Variants in BNC2 observed in about 807,000 individuals in gnomAD.
The protein encoded by BNC2 is basonuclin zinc finger protein 2.
In BNC2, 20 loss-of-function variants were observed where a neutral mutation model predicts 76.3. That is an observed-to-expected ratio of 0.26 (90% CI 0.18 to 0.38). The LOEUF (loss-of-function observed/expected upper bound fraction) is 0.38, where lower values mean the gene tolerates loss of function less well. Ranked by LOEUF, BNC2 falls within the 10% of genes least tolerant of loss-of-function variation. The pLI is 1.00. For missense variants in BNC2, 1,382 were observed against 1,399.8 expected (o/e 0.99, Z 0.20); for synonymous variants, 582 against 514.8 (o/e 1.13, Z -1.77).
intron 4 of BNC2, among the ~76,000 whole-genome samples, chr9:16,571,943 G>A (rs563139855): frequency 3.3e-5 from 5 of 151,972 alleles, no homozygotes; most frequent in African/African-American, 4.8e-5. Flanking sequence ...TGTGATGGTC[G>A]CTTTTGGCAT....
chr9:16,611,073 T>C (rs1820532382), intron 3 of BNC2, among the ~76,000 whole-genome samples: 1 of 151,892 alleles, frequency 6.6e-6, no homozygotes, highest in South Asian at 2.1e-4. Context: ...CAGATCCTTG[T>C]CAAAAAAAAA....
At chr9:16,759,803 C>A (rs922918835) in intron 1 of BNC2, among the ~76,000 whole-genome samples, 1 of 151,622 alleles carries the variant, frequency 6.6e-6, no homozygotes, top group South Asian at 2.1e-4. Context: ...GGCTCACTGC[C>A]TGCTCCGCCT....
chr9:16,729,543 A>C (rs1427226909), intron 2 of BNC2, among the ~76,000 whole-genome samples: 1 of 138,670 alleles, frequency 7.2e-6, no homozygotes, highest in Non-Finnish European at 1.5e-5. Flanking sequence ...CTTTTCTGTT[A>C]AACTTCCCTC....
intron 3 of BNC2, among the ~76,000 whole-genome samples, chr9:16,599,433 C>CT (rs1261266784): frequency 1.3e-5 from 2 of 152,222 alleles, no homozygotes; most frequent in Non-Finnish European, 2.9e-5. Flanking sequence ...CACACACACC[C>CT]TTCTAACACC....
intron 4 of BNC2, among the ~76,000 whole-genome samples, chr9:16,566,386 C>T (rs1819167869): frequency 6.6e-6 from 1 of 152,142 alleles, no homozygotes; most frequent in Admixed American, 6.5e-5. Flanking sequence ...TCATCCATGT[C>T]CCTTTCTCAA....
intron 1 of BNC2, among the ~76,000 whole-genome samples, chr9:16,828,843 G>C (rs1160805974): frequency 1.3e-5 from 2 of 152,218 alleles, no homozygotes; most frequent in African/African-American, 4.8e-5. Flanking sequence ...AATGTGTCTA[G>C]TGGCACTGGA....
In BNC2 at chr9:16,780,247, A is replaced by AAC. The variant is rs1554729468; in HGVS notation, c.4-41763_4-41762insGT. Among the ~76,000 whole-genome samples the AAC allele has an allele frequency of 6.9e-4, 93 of 135,006 alleles. 1 individual carries two copies. The highest frequency in any genetic ancestry group is 9.8e-4 in the Non-Finnish European group (65 of 66,100). The allele number at this position is 135,006 out of a possible 152,430, so 88.6% of individuals were successfully genotyped here. A position where few individuals can be genotyped will look rare whatever the true frequency, so the allele number is the denominator to read the frequency against. ...CAAGACTTCGTTTCAAAAAAAAAAA[A>AAC]AAAAAAAAACAAAAAAAAACTACTG... On this transcript the variant is annotated intron_variant, in intron 1 of 6. Coordinates refer to ENST00000380672, the MANE Select transcript of BNC2 (RefSeq NM_017637.6).
intron 1 of BNC2, among the ~76,000 whole-genome samples, chr9:16,824,739 G>A (rs748980528): frequency 6.6e-6 from 1 of 152,174 alleles, no homozygotes; most frequent in Non-Finnish European, 1.5e-5. Context: ...ATGAGCCACA[G>A]AGGGAACCTG....
chr9:16,460,547 C>T (rs1225162655), intron 5 of BNC2, among the ~76,000 whole-genome samples: 2 of 152,096 alleles, frequency 1.3e-5, no homozygotes, highest in East Asian at 1.9e-4. Flanking sequence ...CACTTGTACT[C>T]GGGAGGCAAA....
At chr9:16,759,358 G>T (rs1825486230) in intron 1 of BNC2, among the ~76,000 whole-genome samples, 2 of 152,126 alleles carry the variant, frequency 1.3e-5, no homozygotes, top group Admixed American at 1.3e-4. Flanking sequence ...ATATTAGAGA[G>T]GACTTTAATG....
At chr9:16,519,401 C>T (rs562246081) in intron 5 of BNC2, among the ~76,000 whole-genome samples, 2 of 152,296 alleles carry the variant, frequency 1.3e-5, no homozygotes, top group East Asian at 3.9e-4. Context: ...TCAAATCAAC[C>T]TTAGCAGATT....
Position 16,419,469 on chromosome 9 carries a change from C to G in BNC2, c.2820G>C (p.Gly940=). The G allele has an allele frequency of 6.2e-7, 1 of 1,613,908 alleles. No homozygotes were observed. Among genetic ancestry groups the G allele is most frequent in the Non-Finnish European group, 8.5e-7 (1 of 1,179,914 alleles). Residue 940 remains glycine (G), a synonymous_variant, in exon 7 of 7, where the codon GGG becomes GGC. Coordinates refer to ENST00000380672, the MANE Select transcript of BNC2 (RefSeq NM_017637.6). ...DVREDASSPA[G]TEDSHLNGYG... is the part of the protein sequence containing the mutation. ...ACCCGTTCAGGTGGGAGTCTTCAGT[C>G]CCTGCGGGAGAGGAGGCGTCTTCCC... is the stretch of plus-strand genomic sequence containing the variant.
At chr9:16,587,017 G>C (rs1010282394) in intron 3 of BNC2, among the ~76,000 whole-genome samples, 7 of 152,056 alleles carry the variant, frequency 4.6e-5, no homozygotes, top group African/African-American at 7.3e-5. Flanking sequence ...CTGTGCTACA[G>C]AGTTTACAAA....
intron 5 of BNC2, among the ~76,000 whole-genome samples, chr9:16,518,301 G>A: frequency 6.6e-6 from 1 of 152,068 alleles, no homozygotes; most frequent in Admixed American, 6.6e-5. Flanking sequence ...GGGCATGGCG[G>A]TGTGCACCTG....
chr9:16,489,599 T>C (rs896381191), intron 5 of BNC2, among the ~76,000 whole-genome samples: 20 of 152,218 alleles, frequency 1.3e-4, no homozygotes, highest in African/African-American at 4.8e-4. Context: ...TGTGGTGATA[T>C]GTGATTTAAC....
intron 1 of BNC2, among the ~76,000 whole-genome samples, chr9:16,823,500 G>C (rs1256495700): frequency 6.6e-6 from 1 of 151,754 alleles, no homozygotes; most frequent in Admixed American, 6.6e-5. Context: ...CTACCTGAGA[G>C]GCTGAGATAG....
chr9:16,839,951 C>T (rs117045120), intron 1 of BNC2, among the ~76,000 whole-genome samples: 1 of 152,184 alleles, frequency 6.6e-6, no homozygotes, highest in Non-Finnish European at 1.5e-5. Context: ...CTTCCAATGA[C>T]CCAAGCAAGA....
chr9:16,617,215 G>A (rs1056195880), intron 3 of BNC2, among the ~76,000 whole-genome samples: 7 of 151,966 alleles, frequency 4.6e-5, no homozygotes, highest in African/African-American at 1.7e-4. Flanking sequence ...ACTTCTTATA[G>A]AACAAACAAA....
intron 4 of BNC2, among the ~76,000 whole-genome samples, chr9:16,553,904 C>T (rs1029210340): frequency 1.3e-5 from 2 of 152,156 alleles, no homozygotes; most frequent in Non-Finnish European, 2.9e-5. Flanking sequence ...GAGTGAGAGG[C>T]ACTCTAAACT....
Sources: gnomAD v4.1 joint callset for allele counts (sites outside exome capture counted in the v4.1 genomes callset) on GRCh38, gnomAD v4.1.1 for gene constraint, MANE v1.5 for transcripts, NCBI Gene and HGNC (gene_info 2026-07-23, HGNC 2026-07-21) for gene names.